Variants in KCNK18 observed in about 807,000 individuals in gnomAD.
KCNK18 encodes the protein potassium channel subfamily K member 18.
In KCNK18, 8 loss-of-function variants were observed where a neutral mutation model predicts 11.8. The observed-to-expected ratio is 0.68, with a 90% CI of 0.40 to 1.22. The LOEUF (loss-of-function observed/expected upper bound fraction) is 1.22, where lower values mean the gene tolerates loss of function less well. KCNK18 is among the 50% of genes most tolerant of loss of function. KCNK18 has a pLI of 0.01. For missense variants in KCNK18, 442 were observed against 465.4 expected, an observed-to-expected ratio of 0.95 and a Z score of 0.46; for synonymous variants, 208 against 185.8, an observed-to-expected ratio of 1.12 and a Z score of -0.97.
chr10:117,202,403 G>C (rs1855023696), intron 2 of KCNK18, among the ~76,000 whole-genome samples: 1 of 152,234 alleles, frequency 6.6e-6, no homozygotes, highest in Non-Finnish European at 1.5e-5. Context: ...CAAGGAGAAT[G>C]TCACCTTCCA....
chr10:117,206,494 T>A (rs1359627299), intron 2 of KCNK18, among the ~76,000 whole-genome samples: 1 of 152,168 alleles, frequency 6.6e-6, no homozygotes, highest in Non-Finnish European at 1.5e-5. Context: ...CCAAATAAGG[T>A]AGCATTGACA....
At chr10:117,207,053 G>T (rs1361938454) in intron 2 of KCNK18, among the ~76,000 whole-genome samples, 1 of 152,042 alleles carries the variant, frequency 6.6e-6, no homozygotes, top group Non-Finnish European at 1.5e-5. Flanking sequence ...TGTTGAGACA[G>T]AGTCTCGCTC....
chr10:117,197,676 A>G lies in KCNK18; in HGVS notation c.188A>G (p.Glu63Gly), dbSNP rs1854966831. ...ADDGEFEKFL[E>G]ELCRILNCSE... ...GATGGAGAGTTTGAGAAGTTCTTGG[A>G]GGAGCTCTGCAGAATCTTGAACTGC... is the stretch of plus-strand genomic sequence containing the variant. The change falls in exon 1 of 3, where the codon GAG (glutamate) becomes GGG (glycine). Residue 63 changes from glutamate (E) to glycine (G), a missense_variant. Physicochemically the swap from Glu to Gly is moderately conservative, Grantham distance 98. Coordinates refer to ENST00000334549, the MANE Select transcript of KCNK18 (RefSeq NM_181840.1). 1.9e-6 allele frequency: 3 copies of G among 1,614,068 alleles called. No individual in the cohort carries two copies. The highest frequency in any genetic ancestry group is 4.5e-5 in the East Asian group (2 of 44,856).
rs756073568 is a variant in KCNK18, at chr10:117,197,653, T to C, written c.165T>C (p.Asp55=). 3.1e-6 allele frequency: 5 copies of C among 1,614,154 alleles called. No homozygotes were observed. In the South Asian group the frequency reaches 5.5e-5, roughly 18 times the overall value. Residue 55 remains aspartate, a synonymous_variant, in exon 1 of 3, where the codon GAT becomes GAC. Coordinates refer to ENST00000334549, the MANE Select transcript of KCNK18 (RefSeq NM_181840.1). ...EDGQVLVAAD[D]GEFEKFLEEL... is the part of the protein sequence containing the mutation. ...GCCAGGTCCTGGTGGCAGCAGATGA[T>C]GGAGAGTTTGAGAAGTTCTTGGAGG...
At chr10:117,209,170 G>C (rs77414206) in intron 2 of KCNK18, among the ~76,000 whole-genome samples, 7,460 of 152,142 alleles carry the variant, frequency 0.049, 560 homozygotes, top group African/African-American at 0.16. Context: ...CCTTCCTTTG[G>C]GGGGTGCTCA....
chr10:117,205,064 C>T (rs1339565694), intron 2 of KCNK18, among the ~76,000 whole-genome samples: 1 of 152,216 alleles, frequency 6.6e-6, no homozygotes, highest in African/African-American at 2.4e-5. Context: ...GAAAGTCTCT[C>T]TGGTAATACT....
rs1854967070 is a variant in KCNK18 at position 117,197,691 on chromosome 10, T to A, written c.203T>A (p.Ile68Asn). Reference sequence around the variant, plus strand: ...AAGTTCTTGGAGGAGCTCTGCAGAATCTTGAACTGCAGTGAAACAGGTAGG... The same window carrying A: ...AAGTTCTTGGAGGAGCTCTGCAGAAACTTGAACTGCAGTGAAACAGGTAGG... ...FEKFLEELCR[I>N]LNCSETVVED... The change falls in exon 1 of 3, where the codon ATC becomes AAC. Residue 68 changes from isoleucine to asparagine, a missense_variant. Physicochemically the swap from Ile to Asn is moderately radical, Grantham distance 149. Coordinates refer to ENST00000334549, the MANE Select transcript of KCNK18 (RefSeq NM_181840.1). 1.2e-6 allele frequency: 2 copies of A among 1,614,014 alleles called. No homozygotes were observed. The highest frequency in any genetic ancestry group is 1.7e-6 in the Non-Finnish European group (2 of 1,179,980).
chr10:117,198,576 A>C (rs1322401051), intron 1 of KCNK18, among the ~76,000 whole-genome samples: 2 of 152,172 alleles, frequency 1.3e-5, no homozygotes, highest in African/African-American at 4.8e-5. Flanking sequence ...TATTGTATTC[A>C]ACAGAGCAAG....
chr10:117,201,124 CT>C, intron 1 of KCNK18, 34 bp from the exon 2 acceptor site: 1 of 1,613,742 alleles, frequency 6.2e-7, no homozygotes. Flanking sequence ...CCAGCAGAAC[CT>C]TTTCCTCAAA....
At chr10:117,201,345 T>G in intron 2 of KCNK18, 58 bp downstream of exon 2, 1 of 1,595,282 alleles carries the variant, frequency 6.3e-7, no homozygotes, top group Non-Finnish European at 8.5e-7. Context: ...GGTTTCTGGG[T>G]GGCAAAGGAC....
chr10:117,200,373 C>T (rs933548512), intron 1 of KCNK18, among the ~76,000 whole-genome samples: 18 of 152,154 alleles, frequency 1.2e-4, no homozygotes, highest in African/African-American at 2.2e-4. Context: ...CCATCGTGCC[C>T]GGCAAACTCC....
chr10:117,207,247 T>C (rs1206132862), intron 2 of KCNK18, among the ~76,000 whole-genome samples: 1 of 152,182 alleles, frequency 6.6e-6, no homozygotes, highest in Non-Finnish European at 1.5e-5. Context: ...CAGGCTGGTC[T>C]TGAACTCCTG....
At position 117,205,627 on chromosome 10, in the gene KCNK18, C is replaced by T. The variant is rs76335999; in HGVS notation, c.353-3870C>T. Among the ~76,000 whole-genome samples the T allele has an allele frequency of 3.4e-3, 511 of 152,334 alleles. 3 individuals carry two copies. Among genetic ancestry groups the T allele is most frequent in the African/African-American group, 0.012 (498 of 41,578 alleles). ...AGTCCCTACAGGTCTCTCCTCTCAG[C>T]TCCCACCTCAGCCAAAGCCCCCTTT... On this transcript the variant is annotated intron_variant, in intron 2 of 2. Transcript: ENST00000334549.
chr10:117,209,747 G>A lies in KCNK18; in HGVS notation c.603G>A (p.Gln201=). 1.9e-6 allele frequency: 3 copies of A among 1,614,114 alleles called. No individual in the cohort carries two copies. Among genetic ancestry groups the A allele is most frequent in the Non-Finnish European group, 2.5e-6 (3 of 1,180,036 alleles). Residue 201 remains glutamine, a synonymous_variant, in exon 3 of 3, where the codon CAG becomes CAA. Coordinates refer to ENST00000334549, the MANE Select transcript of KCNK18 (RefSeq NM_181840.1). ...DPKPADEAVP[Q]IIISAEELPG... is the part of the protein sequence containing the mutation. Reference sequence around the variant, plus strand: ...AGCCCGCAGATGAAGCTGTCCCTCAGATCATCATCAGTGCTGAAGAGCTTC... The same window carrying A: ...AGCCCGCAGATGAAGCTGTCCCTCAAATCATCATCAGTGCTGAAGAGCTTC...
At chr10:117,208,671 G>C (rs1855105753) in intron 2 of KCNK18, among the ~76,000 whole-genome samples, 1 of 151,762 alleles carries the variant, frequency 6.6e-6, no homozygotes, top group Admixed American at 6.6e-5. Context: ...ACACTGCTGA[G>C]CACACCATGG....
chr10:117,209,713 C>A lies in KCNK18; in HGVS notation c.569C>A (p.Pro190Gln), dbSNP rs376977754. Residue 190 changes from proline to glutamine, a missense_variant, in exon 3 of 3, where the codon CCG (proline) becomes CAG (glutamine). Pro to Gln is a moderately conservative substitution (Grantham distance 76, BLOSUM62 -1). Transcript: ENST00000334549. ...CCCAAATCTCTCTTCAAGAAAAAAC[C>A]GGACCCCAAGCCCGCAGATGAAGCT... ...WCPKSLFKKK[P>Q]DPKPADEAVP... The A allele has an allele frequency of 1.1e-5, 17 of 1,614,122 alleles. No homozygotes were observed. The highest frequency in any genetic ancestry group is 1.4e-5 in the Non-Finnish European group (17 of 1,180,036).
Position 117,210,232 on chromosome 10 carries a change from T to C in KCNK18, c.1088T>C (p.Ile363Thr). The change falls in exon 3 of 3, where the codon ATT (isoleucine) becomes ACT (threonine). Residue 363 changes from isoleucine to threonine, a missense_variant. Transcript: ENST00000334549. The part of the protein sequence containing the change: ...IAFKLVQNRL[I>T]DIYKNVMLFF... Reference sequence around the variant, plus strand: ...TTCAAGTTGGTGCAAAACAGGCTGATTGACATATACAAAAATGTTATGCTA... The same window carrying C: ...TTCAAGTTGGTGCAAAACAGGCTGACTGACATATACAAAAATGTTATGCTA... 6.2e-7 allele frequency: 1 copy of C among 1,614,210 alleles called. No homozygotes were observed. Among genetic ancestry groups the C allele is most frequent in the Non-Finnish European group, 8.5e-7 (1 of 1,180,024 alleles).
rs1855010352 is a variant in KCNK18 at position 117,201,221 on chromosome 10, A to G, written c.286A>G (p.Asn96Asp). 3.7e-6 allele frequency: 6 copies of G among 1,614,108 alleles called. No homozygotes were observed. The highest frequency in any genetic ancestry group is 4.2e-6 in the Non-Finnish European group (5 of 1,179,958). Residue 96 changes from asparagine (N) to aspartate (D), a missense_variant, in exon 2 of 3, where the codon AAC (asparagine) becomes GAC (aspartate). Coordinates refer to ENST00000334549, the MANE Select transcript of KCNK18 (RefSeq NM_181840.1). ...GCAGAAGGTGAAGCCTCAGTGGTTT[A>G]ACAGGACCACACACTGGTCCTTCCT... ...HLQKVKPQWFNRTTHWSFLSS... is the reference protein window; with the variant it reads ...HLQKVKPQWFDRTTHWSFLSS...
intron 2 of KCNK18, among the ~76,000 whole-genome samples, chr10:117,203,167 G>A (rs1226663285): frequency 6.6e-6 from 1 of 152,048 alleles, no homozygotes; most frequent in Non-Finnish European, 1.5e-5. Flanking sequence ...GTGAGACACC[G>A]CGCCTGGCCT....
Sources: allele counts gnomAD v4.1 joint callset (sites outside exome capture counted in the v4.1 genomes callset), GRCh38; gene constraint gnomAD v4.1.1; transcripts MANE v1.5; gene names NCBI Gene and HGNC (gene_info 2026-07-23, HGNC 2026-07-21).